Variants in CSMD1 observed in about 807,000 individuals in gnomAD.
CSMD1 encodes the protein CUB and Sushi multiple domains 1.
A neutral mutation model predicts 417.5 loss-of-function variants in CSMD1; 213 were observed. The observed-to-expected ratio is 0.51, with a 90% CI of 0.46 to 0.57. The LOEUF is 0.57. CSMD1 is among the 20% of genes least tolerant of loss of function. The pLI, the probability that CSMD1 is intolerant of heterozygous loss-of-function variation, is 0.00. For synonymous variants in CSMD1, 2,862 were observed against 1,736.8 expected, an observed-to-expected ratio of 1.65 and a Z score of -16.11; for missense variants, 6,923 against 4,529.7, an observed-to-expected ratio of 1.53 and a Z score of -15.17.
At chr8:3,083,621 TATATATATATATATATATATATATATA>T (rs1474914162) in intron 49 of CSMD1, among the ~76,000 whole-genome samples, 1 of 18,298 alleles carries the variant, frequency 5.5e-5, no homozygotes, top group South Asian at 2.7e-3. Flanking sequence ...TATATATATA[TATATATATATATATATATATATATATA>T]TTTTTTTTTT....
chr8:4,138,999 G>C (rs79038475), intron 3 of CSMD1, among the ~76,000 whole-genome samples: 45,025 of 151,950 alleles, frequency 0.3, 8,101 homozygotes, highest in Non-Finnish European at 0.39. Context: ...TTGACTGTAC[G>C]GCCACATGCA....
chr8:3,791,379 A>C (rs140626876), intron 5 of CSMD1, among the ~76,000 whole-genome samples: 5 of 152,330 alleles, frequency 3.3e-5, no homozygotes, highest in African/African-American at 1.2e-4. Context: ...GGTGAAGAAA[A>C]TCTTTCAAAG....
At chr8:3,452,746 G>T (rs529639764) in intron 12 of CSMD1, among the ~76,000 whole-genome samples, 5 of 152,050 alleles carry the variant, frequency 3.3e-5, no homozygotes, top group Admixed American at 2.0e-4. Context: ...TTTTTGCATC[G>T]ATGTTCATCA....
chr8:4,631,263 G>A lies in CSMD1; in HGVS notation c.302+6079C>T, dbSNP rs187410564. Reference sequence around the variant, plus strand: ...TGTAGTCCCAGCTACTTGGGAGGCTGAGGCAGGAGAATCGCTGGAACCTGG... The same window carrying A: ...TGTAGTCCCAGCTACTTGGGAGGCTAAGGCAGGAGAATCGCTGGAACCTGG... On this transcript the variant is annotated intron_variant, in intron 2 of 69. Coordinates refer to ENST00000635120, the MANE Select transcript of CSMD1 (RefSeq NM_033225.6). Among the ~76,000 whole-genome samples, 595 of 152,266 alleles carry A rather than the reference G, an allele frequency of 3.9e-3. 2 individuals are homozygous for A. The highest frequency in any genetic ancestry group is 3.9e-3 in the Non-Finnish European group (262 of 68,022).
intron 3 of CSMD1, among the ~76,000 whole-genome samples, chr8:4,043,279 G>C (rs1297977545): frequency 6.6e-6 from 1 of 152,032 alleles, no homozygotes; most frequent in Non-Finnish European, 1.5e-5. Flanking sequence ...ACGAATCACA[G>C]AAAGTACCCA....
At chr8:4,831,689 G>T (rs555913044) in intron 1 of CSMD1, among the ~76,000 whole-genome samples, 1 of 152,138 alleles carries the variant, frequency 6.6e-6, no homozygotes, top group African/African-American at 2.4e-5. Context: ...CAATGAAATG[G>T]TCAATAAATA....
At chr8:4,065,465 A>T (rs917220992) in intron 3 of CSMD1, among the ~76,000 whole-genome samples, 1 of 152,222 alleles carries the variant, frequency 6.6e-6, no homozygotes, top group Non-Finnish European at 1.5e-5. Context: ...CTTTTCTTTT[A>T]CTGAATGTAC....
At chr8:3,309,040 T>C (rs1805116132) in intron 23 of CSMD1, among the ~76,000 whole-genome samples, 1 of 152,094 alleles carries the variant, frequency 6.6e-6, no homozygotes, top group Non-Finnish European at 1.5e-5. Flanking sequence ...GCTCTTGTTT[T>C]CCGGAGTTCC....
chr8:4,180,081 T>C (rs1273726690), intron 3 of CSMD1, among the ~76,000 whole-genome samples: 1 of 152,140 alleles, frequency 6.6e-6, no homozygotes, highest in Non-Finnish European at 1.5e-5. Context: ...TTACTGGGTA[T>C]ATACCCAAAG....
At chr8:3,838,385 CTATA>C (rs1389578183) in intron 5 of CSMD1, among the ~76,000 whole-genome samples, 1 of 141,054 alleles carries the variant, frequency 7.1e-6, no homozygotes, top group African/African-American at 2.8e-5. Flanking sequence ...TATATACGCA[CTATA>C]TATATAGCCT....
At chr8:3,161,688 C>A (rs1321916088) in intron 38 of CSMD1, among the ~76,000 whole-genome samples, 1 of 149,218 alleles carries the variant, frequency 6.7e-6, no homozygotes, top group Non-Finnish European at 1.5e-5. Flanking sequence ...TGAAAAACTT[C>A]TACTTAATAG....
chr8:4,358,185 G>C (rs1250581925), intron 3 of CSMD1, among the ~76,000 whole-genome samples: 1 of 152,094 alleles, frequency 6.6e-6, no homozygotes, highest in Admixed American at 6.5e-5. Flanking sequence ...ACTTTATTCA[G>C]GGATGAATGT....
At chr8:3,037,743 A>G (rs1403371528) in intron 50 of CSMD1, among the ~76,000 whole-genome samples, 1 of 152,242 alleles carries the variant, frequency 6.6e-6, no homozygotes, top group Non-Finnish European at 1.5e-5. Context: ...GAATAAGAGT[A>G]GATGACCAAT....
At chr8:4,920,902 AAAAGAAAAGAAAAGAAAAGAAAAG>A (rs776706479) in intron 1 of CSMD1, among the ~76,000 whole-genome samples, 6,441 of 66,642 alleles carry the variant, frequency 0.097, 948 homozygotes, top group Non-Finnish European at 0.15. Flanking sequence ...AAAAGAAAAG[AAAAGAAAAGAAAAGAAAAGAAAAG>A]AAAGAGAGAA....
intron 8 of CSMD1, among the ~76,000 whole-genome samples, chr8:3,587,930 T>G (rs963977084): frequency 1.3e-5 from 2 of 152,102 alleles, no homozygotes; most frequent in Non-Finnish European, 2.9e-5. Flanking sequence ...TAATTTGAAA[T>G]GTGAAAAATA....
At chr8:4,730,068 A>C (rs1809741996) in intron 1 of CSMD1, among the ~76,000 whole-genome samples, 1 of 152,142 alleles carries the variant, frequency 6.6e-6, no homozygotes, top group African/African-American at 2.4e-5. Context: ...GCCAGAGAAC[A>C]AAATAAATTG....
At chr8:4,562,634 G>C (rs558359349) in intron 2 of CSMD1, among the ~76,000 whole-genome samples, 1 of 152,108 alleles carries the variant, frequency 6.6e-6, no homozygotes, top group Non-Finnish European at 1.5e-5. Flanking sequence ...GGACACATCA[G>C]AAATGTCAGA....
intron 5 of CSMD1, 144 bp downstream of exon 5, chr8:3,997,759 C>A (rs1815326838): frequency 2.9e-6 from 2 of 700,222 alleles, no homozygotes; most frequent in Admixed American, 2.8e-5. Context: ...GGTAACTTTT[C>A]CAGAGCCAAA....
At chr8:4,002,259 G>C (rs1815747134) in intron 4 of CSMD1, among the ~76,000 whole-genome samples, 1 of 152,008 alleles carries the variant, frequency 6.6e-6, no homozygotes, top group Non-Finnish European at 1.5e-5. Flanking sequence ...GTGTATGTGT[G>C]TGTTTGTGTT....
Sources: gnomAD v4.1 joint callset for allele counts (sites outside exome capture counted in the v4.1 genomes callset) on GRCh38, gnomAD v4.1.1 for gene constraint, MANE v1.5 for transcripts, NCBI Gene and HGNC (gene_info 2026-07-23, HGNC 2026-07-21) for gene names.